Variants in PIEZO2 observed in about 807,000 individuals in gnomAD.
PIEZO2 encodes piezo type mechanosensitive ion channel component 2.
Under a neutral mutation model 337.3 loss-of-function variants are expected in PIEZO2, and 172 were observed. The observed-to-expected ratio is 0.51, with a 90% CI of 0.45 to 0.58. The LOEUF (loss-of-function observed/expected upper bound fraction) is 0.58, where lower values mean the gene tolerates loss of function less well. PIEZO2 is among the 20% of genes least tolerant of loss of function. The pLI is 0.00. For synonymous variants in PIEZO2, 1,251 were observed against 1,228.5 expected, an observed-to-expected ratio of 1.02 and a Z score of -0.38; for missense variants, 3,028 against 3,391.3, an observed-to-expected ratio of 0.89 and a Z score of 2.66.
chr18:10,694,779 G>A (rs147551378), intron 47 of PIEZO2, among the ~76,000 whole-genome samples: 1,563 of 152,256 alleles, frequency 0.01, 20 homozygotes, highest in African/African-American at 0.036. Flanking sequence ...AGGTTGCAGT[G>A]AGCTATGATC....
Position 11,146,517 on chromosome 18 carries a change from A to C in PIEZO2, c.64+2008T>G, listed in dbSNP as rs2040816061. Among the ~76,000 whole-genome samples, 1 of 152,208 alleles carries C rather than the reference A, an allele frequency of 6.6e-6. No homozygotes were observed. The stretch of plus-strand genomic sequence containing the variant: ...ACCCAAGCTGGGAGTGCTGTGAACC[A>C]GGCCAGCTCCCCTTGGGAGGGCAGA... On this transcript the variant is annotated intron_variant, in intron 1 of 55. Coordinates refer to ENST00000674853, the MANE Select transcript of PIEZO2 (RefSeq NM_001378183.1). This position sits in a 1 kb window ranked among gnomAD's most constrained non-coding sequence, Gnocchi z 6.1.
chr18:10,741,037 C>T lies in PIEZO2; in HGVS notation c.4702G>A (p.Ala1568Thr). ...GGGGATCGAGAAAACCTACTGGAAG[C>T]ATGATCAACCCAAGGCCGCCACCAC... ...KQWWRPWVDH[A>T]SMVRSGDYYL... Residue 1568 changes from alanine (A) to threonine (T), a missense_variant, in exon 33 of 56, where the codon GCT (alanine) becomes ACT (threonine). This residue lies in a region of PIEZO2 where 1,925 missense variants were observed against 2,051.9 expected (regional missense o/e 0.94). Transcript: ENST00000674853. The T allele has an allele frequency of 3.9e-6, 6 of 1,537,216 alleles. No individual in the cohort carries two copies. The highest frequency in any genetic ancestry group is 5.2e-6 in the Non-Finnish European group (6 of 1,146,878).
Position 11,016,166 on chromosome 18 carries a change from T to C in PIEZO2, c.161-36506A>G, listed in dbSNP as rs2036111961. 6.6e-6 allele frequency among the ~76,000 whole-genome samples: 1 copy of C among 152,088 alleles called. No homozygotes were observed. The highest frequency in any genetic ancestry group is 2.1e-4 in the South Asian group (1 of 4,820). ...AATTTAGCAAATGTAATGAGTACTG[T>C]GGGTAAGAGGGAAGGAAATGAGCCC... On this transcript the variant is annotated intron_variant, in intron 2 of 55. Transcript: ENST00000674853. This position sits in a 1 kb window ranked among gnomAD's most constrained non-coding sequence, Gnocchi z 5.6.
chr18:10,832,060 G>C (rs1412778617), intron 7 of PIEZO2, among the ~76,000 whole-genome samples: 2 of 152,146 alleles, frequency 1.3e-5, no homozygotes, highest in African/African-American at 4.8e-5. Context: ...CACTTTGGGA[G>C]GCTGAGGTGG....
At position 11,148,379 on chromosome 18, in the gene PIEZO2, T is replaced by A; in HGVS notation, c.64+146A>T. Reference sequence around the variant, plus strand: ...AGTGGGAAGTGAGAGAGCCAGGCTGTGCACCAGGGACAGCGCGCGTCTGAC... The same window carrying A: ...AGTGGGAAGTGAGAGAGCCAGGCTGAGCACCAGGGACAGCGCGCGTCTGAC... On this transcript the variant is annotated intron_variant, in intron 1 of 55. Coordinates refer to ENST00000674853, the MANE Select transcript of PIEZO2 (RefSeq NM_001378183.1). This position sits in a 1 kb window ranked among gnomAD's most constrained non-coding sequence, Gnocchi z 5.2. 1.1e-6 allele frequency: 1 copy of A among 875,246 alleles called. No homozygotes were observed. The highest frequency in any genetic ancestry group is 1.6e-5 in the South Asian group (1 of 61,254). 54.2% of individuals were successfully genotyped at this position (875,246 alleles called of 1,614,324 possible). A position where few individuals can be genotyped will look rare whatever the true frequency, so the allele number is the denominator to read the frequency against.
intron 47 of PIEZO2, among the ~76,000 whole-genome samples, chr18:10,693,371 T>TGTGTGTGTGC (rs1235458714): frequency 6.6e-6 from 1 of 151,758 alleles, no homozygotes; most frequent in African/African-American, 2.4e-5. Context: ...TGTGTGTGTG[T>TGTGTGTGTGC]GTGTGTGTGT....
intron 27 of PIEZO2, among the ~76,000 whole-genome samples, chr18:10,755,843 A>T (rs12955195): frequency 0.041 from 6,133 of 151,398 alleles, 179 homozygotes; most frequent in Non-Finnish European, 0.064. Context: ...AGGAGGAGAG[A>T]TGGGAGATGA....
At chr18:10,740,158 A>G (rs1033663057) in intron 33 of PIEZO2, 1 of 152,220 alleles carries the variant, frequency 6.6e-6, no homozygotes, top group African/African-American at 2.4e-5. Flanking sequence ...AAATTTAAAG[A>G]GGACTGGATT....
intron 2 of PIEZO2, among the ~76,000 whole-genome samples, chr18:10,991,136 T>C (rs2145554462): frequency 6.6e-6 from 1 of 151,474 alleles, no homozygotes; most frequent in East Asian, 1.9e-4. Context: ...TACATTCTTT[T>C]TGTTTTTGGA....
At chr18:11,072,282 G>C (rs944114214) in intron 1 of PIEZO2, among the ~76,000 whole-genome samples, 1 of 152,180 alleles carries the variant, frequency 6.6e-6, no homozygotes, top group Non-Finnish European at 1.5e-5. Context: ...AAAACAGCTT[G>C]ATCTAAAAGA....
rs185850560 is a variant in PIEZO2 at position 10,844,570 on chromosome 18, C to T, written c.917+10783G>A. ...TTGGGAGGCCGAGGTGGGTGGATCACGAGGTCAGGAGATCCAGACCATCCT... is the reference window on the plus strand; with the variant it reads ...TTGGGAGGCCGAGGTGGGTGGATCATGAGGTCAGGAGATCCAGACCATCCT... On this transcript the variant is annotated intron_variant, in intron 7 of 55. Transcript: ENST00000674853. 5.0e-3 allele frequency among the ~76,000 whole-genome samples: 758 copies of T among 152,116 alleles called. 5 individuals carry two copies. Among genetic ancestry groups the T allele is most frequent in the African/African-American group, 0.017 (688 of 41,490 alleles).
At chr18:10,797,242 C>T in intron 12 of PIEZO2, 132 bp downstream of exon 12, 1 of 668,904 alleles carries the variant, frequency 1.5e-6, no homozygotes, top group Non-Finnish European at 2.4e-6. Flanking sequence ...ACTATCATGT[C>T]ATATCATACA....
chr18:10,826,357 A>G (rs2040677399), intron 7 of PIEZO2, among the ~76,000 whole-genome samples: 1 of 152,232 alleles, frequency 6.6e-6, no homozygotes, highest in Non-Finnish European at 1.5e-5. Context: ...CCAATCTGTT[A>G]TCATATTGTT....
intron 2 of PIEZO2, among the ~76,000 whole-genome samples, chr18:11,063,890 C>A (rs1434875185): frequency 6.6e-6 from 1 of 152,152 alleles, no homozygotes; most frequent in African/African-American, 2.4e-5. Context: ...TCTTCCAGAT[C>A]CATCATGCAC....
At position 10,828,586 on chromosome 18, in the gene PIEZO2, T is replaced by C. The variant is rs2040749645; in HGVS notation, c.918-21312A>G. 6.6e-6 allele frequency among the ~76,000 whole-genome samples: 1 copy of C among 152,158 alleles called. No individual in the cohort carries two copies. Among genetic ancestry groups the C allele is most frequent in the Admixed American group, 6.5e-5 (1 of 15,268 alleles). On this transcript the variant is annotated intron_variant, in intron 7 of 55. Transcript: ENST00000674853. The surrounding 1 kb of genome is among the most constrained non-coding windows in gnomAD (Gnocchi z 4.1). ...TTGAATTATTGCAAAGTGTGTGAGA[T>C]ATTGGTGCCCAGAGAGGGTCCGGAA...
intron 3 of PIEZO2, among the ~76,000 whole-genome samples, chr18:10,975,706 C>T (rs549536717): frequency 1.3e-5 from 2 of 152,154 alleles, no homozygotes; most frequent in South Asian, 4.2e-4. Context: ...TAAGAGATGC[C>T]GGGACCTTTT....
At chr18:10,802,195 T>C (rs2039848339) in intron 9 of PIEZO2, among the ~76,000 whole-genome samples, 1 of 152,152 alleles carries the variant, frequency 6.6e-6, no homozygotes, top group Non-Finnish European at 1.5e-5. Context: ...GATTATTATA[T>C]GACTCTACTT....
rs975782526 is a variant in PIEZO2 at position 10,726,649 on chromosome 18, C to A, written c.5029+4758G>T. The A allele has an allele frequency of 1.4e-6, 2 of 1,408,362 alleles. No homozygotes were observed. Among genetic ancestry groups the A allele is most frequent in the African/African-American group, 2.9e-5 (2 of 68,558 alleles). 87.2% of individuals were successfully genotyped at this position (1,408,362 alleles called of 1,614,324 possible). A position where few individuals can be genotyped will look rare whatever the true frequency, so the allele number is the denominator to read the frequency against. Reference sequence around the variant, plus strand: ...CTGGGAGTACTGCGCGCGCGCCAAGCGCGGCCAGACAGACACCTCGCTGCC... The same window carrying A: ...CTGGGAGTACTGCGCGCGCGCCAAGAGCGGCCAGACAGACACCTCGCTGCC... On this transcript the variant is annotated intron_variant, in intron 36 of 55. Transcript: ENST00000674853. The surrounding 1 kb of genome is among the most constrained non-coding windows in gnomAD (Gnocchi z 5.9).
chr18:11,060,833 G>T lies in PIEZO2; in HGVS notation c.160+5294C>A, dbSNP rs866111363. ...AGCCGAATTCTACCAGAGGTACAAGGAGGAGCTGGTACCATTCCTTCTGAA... is the reference window on the plus strand; with the variant it reads ...AGCCGAATTCTACCAGAGGTACAAGTAGGAGCTGGTACCATTCCTTCTGAA... On this transcript the variant is annotated intron_variant, in intron 2 of 55. Coordinates refer to ENST00000674853, the MANE Select transcript of PIEZO2 (RefSeq NM_001378183.1). 2.5e-4 allele frequency among the ~76,000 whole-genome samples: 38 copies of T among 150,970 alleles called. No homozygotes were observed. The South Asian group carries it at 7.5e-3, about 30-fold the overall frequency.
Sources: gnomAD v4.1 joint callset for allele counts (sites outside exome capture counted in the v4.1 genomes callset) on GRCh38, gnomAD v4.1.1 for gene constraint, gnomAD v4.1.1 regional missense constraint, Gnocchi (gnomAD v3.1) non-coding constraint, MANE v1.5 for transcripts, NCBI Gene and HGNC (gene_info 2026-07-23, HGNC 2026-07-21) for gene names.